Variants in SLC2A9 observed in about 807,000 individuals in gnomAD.
SLC2A9 encodes the protein solute carrier family 2, facilitated glucose transporter member 9.
SLC2A9 carries 39 observed loss-of-function variants against 50.6 expected under a neutral mutation model. The observed-to-expected ratio is 0.77, with a 90% CI of 0.60 to 1.01. The LOEUF (loss-of-function observed/expected upper bound fraction) is 1.01, where lower values mean the gene tolerates loss of function less well. Among genes scored for constraint, SLC2A9 ranks in the 50% least tolerant of loss-of-function variants. The pLI, the probability that SLC2A9 is intolerant of heterozygous loss-of-function variation, is 0.00. For missense variants in SLC2A9, 686 were observed against 677.6 expected (o/e 1.01, Z -0.14); for synonymous variants, 324 against 276.9 (o/e 1.17, Z -1.69).
chr4:9,874,152 C>G lies in SLC2A9; in HGVS notation c.1291+13415G>C, dbSNP rs116459080. Among the ~76,000 whole-genome samples the G allele has an allele frequency of 8.0e-3, 1,218 of 152,286 alleles. 16 individuals carry two copies. The highest frequency in any genetic ancestry group is 0.028 in the African/African-American group (1,156 of 41,550). On this transcript the variant is annotated intron_variant, in intron 10 of 11. Transcript: ENST00000264784. Reference sequence around the variant, plus strand: ...ATGTGTCCTAGGCTTCCATTAGCATCCTCTCTGATGTCTGTCCTCTACTCA... The same window carrying G: ...ATGTGTCCTAGGCTTCCATTAGCATGCTCTCTGATGTCTGTCCTCTACTCA...
At chr4:9,886,260 G>T (rs1380667415) in intron 10 of SLC2A9, among the ~76,000 whole-genome samples, 1 of 152,234 alleles carries the variant, frequency 6.6e-6, no homozygotes, top group African/African-American at 2.4e-5. Flanking sequence ...TGAAGATGTG[G>T]ATGTGAGGTT....
intron 1 of SLC2A9, among the ~76,000 whole-genome samples, chr4:9,772,410 T>C (rs368120560): frequency 6.6e-6 from 1 of 152,218 alleles, no homozygotes; most frequent in African/African-American, 2.4e-5. Context: ...ACAGAGCAGA[T>C]TTCTTACTGT....
intron 10 of SLC2A9, among the ~76,000 whole-genome samples, chr4:9,844,159 AT>A (rs750249899): frequency 0.16 from 5,787 of 35,854 alleles, 793 homozygotes; most frequent in African/African-American, 0.38. Context: ...TAAAAAAAAA[AT>A]AATAATAAAA....
At chr4:9,776,183 CTTTCTTTTTTTT>C (rs1490566485), downstream of SLC2A9, among the ~76,000 whole-genome samples, 1 of 134,780 alleles carries the variant, frequency 7.4e-6, no homozygotes, top group Non-Finnish European at 1.6e-5. Flanking sequence ...AGAAGTCTTT[CTTTCTTTTTTTT>C]TTTTTTTGAC....
chr4:9,978,882 C>T (rs914162731), intron 5 of SLC2A9, among the ~76,000 whole-genome samples: 2 of 152,222 alleles, frequency 1.3e-5, no homozygotes, highest in African/African-American at 2.4e-5. Flanking sequence ...AAATGGTAAA[C>T]TTTATGTGGA....
At chr4:9,843,903 C>T (rs1728495621) in intron 10 of SLC2A9, among the ~76,000 whole-genome samples, 1 of 152,056 alleles carries the variant, frequency 6.6e-6, no homozygotes, top group African/African-American at 2.4e-5. Context: ...GTGGTTTGCC[C>T]ACCAATTTGC....
chr4:9,894,296 A>G (rs1738096856), intron 8 of SLC2A9, among the ~76,000 whole-genome samples: 1 of 152,252 alleles, frequency 6.6e-6, no homozygotes, highest in African/African-American at 2.4e-5. Flanking sequence ...TTCTCAGGGT[A>G]CAATCTTAGG....
intron 1 of SLC2A9, among the ~76,000 whole-genome samples, chr4:9,774,634 A>G (rs1450576510): frequency 9.9e-5 from 15 of 152,102 alleles, no homozygotes; most frequent in Non-Finnish European, 2.9e-5. Flanking sequence ...AGGGTAACTT[A>G]TTGACTTTTG....
At chr4:9,917,032 G>C (rs1307856768) in intron 7 of SLC2A9, among the ~76,000 whole-genome samples, 1 of 152,192 alleles carries the variant, frequency 6.6e-6, no homozygotes, top group African/African-American at 2.4e-5. Flanking sequence ...AGGAACTGCT[G>C]TGGCCACCCC....
intron 6 of SLC2A9, among the ~76,000 whole-genome samples, chr4:9,934,312 CTA>C (rs1746677562): frequency 1.3e-5 from 2 of 152,240 alleles, no homozygotes; most frequent in South Asian, 4.1e-4. Context: ...GATGAAGACA[CTA>C]TGTGTCTATC....
chr4:9,980,569 G>A, intron 5 of SLC2A9, 23 bp downstream of exon 5: 4 of 1,613,910 alleles, frequency 2.5e-6, no homozygotes, highest in Non-Finnish European at 3.4e-6. Context: ...AGCAGATGCG[G>A]TTGACCAGGG....
chr4:9,993,905 C>A lies in SLC2A9; in HGVS notation c.410+2876G>T, dbSNP rs564349594. 2.5e-4 allele frequency among the ~76,000 whole-genome samples: 38 copies of A among 152,336 alleles called. No homozygotes were observed. The South Asian group carries it at 7.0e-3, about 28-fold the overall frequency. On this transcript the variant is annotated intron_variant, in intron 3 of 11. Transcript: ENST00000264784. ...TCACCGAAATCACAAACGAGCTCAA[C>A]ATTCCCTAGCTAGGAACAGCCCCAC...
At chr4:9,798,599 T>C (rs1018306386), downstream of SLC2A9, 3 of 152,156 alleles carry the variant, frequency 2.0e-5, no homozygotes, top group African/African-American at 7.2e-5. Context: ...GGCCTTCAGT[T>C]GGAAAGTGCT....
chr4:9,888,618 A>G (rs978354068), intron 9 of SLC2A9, among the ~76,000 whole-genome samples: 7 of 152,044 alleles, frequency 4.6e-5, no homozygotes, highest in African/African-American at 1.7e-4. Flanking sequence ...GGAAGGTAAG[A>G]GCCTGCGTTC....
chr4:10,013,469 G>A (rs1762105512), intron 2 of SLC2A9, among the ~76,000 whole-genome samples: 1 of 152,198 alleles, frequency 6.6e-6, no homozygotes, highest in Non-Finnish European at 1.5e-5. Flanking sequence ...TTTAGGAAGT[G>A]TCCCACCCCT....
chr4:10,019,373 G>T, intron 1 of SLC2A9: 1 of 483,506 alleles, frequency 2.1e-6, no homozygotes, highest in South Asian at 2.6e-5. Context: ...AGCTCCACAC[G>T]ATCCTTTCAG....
At chr4:10,009,939 G>A (rs1761471147) in intron 2 of SLC2A9, among the ~76,000 whole-genome samples, 1 of 152,216 alleles carries the variant, frequency 6.6e-6, no homozygotes, top group Non-Finnish European at 1.5e-5. Context: ...CTTTGTCCCT[G>A]GTTCTTGGGA....
chr4:9,786,617 C>A (rs1158781323), intron 3 of SLC2A9, among the ~76,000 whole-genome samples: 3 of 152,148 alleles, frequency 2.0e-5, no homozygotes, highest in Non-Finnish European at 4.4e-5. Flanking sequence ...TTCCTGGATT[C>A]TTATTTATTC....
At chr4:9,816,107 C>T (rs541748363) in intron 3 of SLC2A9, among the ~76,000 whole-genome samples, 1 of 152,206 alleles carries the variant, frequency 6.6e-6, no homozygotes, top group East Asian at 1.9e-4. Context: ...AAGGCAGAGG[C>T]TGCAGTGAGC....
Sources: allele counts gnomAD v4.1 joint callset (sites outside exome capture counted in the v4.1 genomes callset), GRCh38; gene constraint gnomAD v4.1.1; transcripts MANE v1.5; gene names NCBI Gene and HGNC (gene_info 2026-07-23, HGNC 2026-07-21).